Variants in KIAA0825 observed in about 807,000 individuals in gnomAD.
KIAA0825 encodes the protein uncharacterized protein KIAA0825.
KIAA0825 carries 119 observed loss-of-function variants against 147.6 expected under a neutral mutation model. That is an observed-to-expected ratio of 0.81 (90% CI 0.69 to 0.94). The LOEUF (loss-of-function observed/expected upper bound fraction) is 0.94, where lower values mean the gene tolerates loss of function less well. KIAA0825 is among the 40% of genes least tolerant of loss of function. The pLI, the probability that KIAA0825 is intolerant of heterozygous loss-of-function variation, is 0.00. For missense variants in KIAA0825, 1,381 were observed against 1,472.7 expected (o/e 0.94, Z 1.02); for synonymous variants, 470 against 518.1 (o/e 0.91, Z 1.26).
intron 1 of KIAA0825, among the ~76,000 whole-genome samples, chr5:94,614,571 C>A (rs548384259): frequency 2.6e-5 from 4 of 152,252 alleles, no homozygotes; most frequent in African/African-American, 4.8e-5. Flanking sequence ...GGTACTATTT[C>A]TGTTTTCTGA....
At chr5:94,305,222 T>C (rs991057102) in intron 20 of KIAA0825, among the ~76,000 whole-genome samples, 1 of 152,028 alleles carries the variant, frequency 6.6e-6, no homozygotes, top group African/African-American at 2.4e-5. Flanking sequence ...TTTATATTAA[T>C]AAAATAATGA....
intron 2 of KIAA0825, among the ~76,000 whole-genome samples, chr5:94,538,311 G>A (rs1375853424): frequency 6.6e-6 from 1 of 152,232 alleles, no homozygotes; most frequent in East Asian, 1.9e-4. Context: ...CTCTGAGGAG[G>A]TGACATTTGA....
chr5:94,300,399 T>C (rs1222749848), intron 20 of KIAA0825, among the ~76,000 whole-genome samples: 1 of 152,102 alleles, frequency 6.6e-6, no homozygotes, highest in Non-Finnish European at 1.5e-5. Context: ...ATTACTGCTA[T>C]CTGTTAATTT....
chr5:94,224,929 G>A (rs183588729), intron 20 of KIAA0825, among the ~76,000 whole-genome samples: 111 of 152,206 alleles, frequency 7.3e-4, no homozygotes, highest in African/African-American at 2.6e-3. Context: ...GAACATGTTT[G>A]CCTGCATCCT....
rs1463940125 is a variant in KIAA0825, at chr5:94,484,821, T to C, written c.1080A>G (p.Gln360=). The part of the protein sequence containing the change: ...KSFMKLEKGV[Q]ELFDEILLSL... Reference sequence around the variant, plus strand: ...ATAAAAGTATTTCGTCAAACAATTCTTGAACACCTTTTTCCAGTTTCATAA... The same window carrying C: ...ATAAAAGTATTTCGTCAAACAATTCCTGAACACCTTTTTCCAGTTTCATAA... Residue 360 remains glutamine, a synonymous_variant, in exon 6 of 21, where the codon CAA becomes CAG. Transcript: ENST00000682413. 1 of 1,530,540 alleles carries C rather than the reference T, an allele frequency of 6.5e-7. No homozygotes were observed. Among genetic ancestry groups the C allele is most frequent in the East Asian group, 2.5e-5 (1 of 40,568 alleles). The allele number at this position is 1,530,540 out of a possible 1,614,324, so 94.8% of individuals were successfully genotyped here. A position where few individuals can be genotyped will look rare whatever the true frequency, so the allele number is the denominator to read the frequency against.
At chr5:94,311,931 A>G (rs1779220152) in intron 20 of KIAA0825, among the ~76,000 whole-genome samples, 2 of 151,632 alleles carry the variant, frequency 1.3e-5, no homozygotes, top group Non-Finnish European at 1.5e-5. Flanking sequence ...AGCTAGCAAG[A>G]CCACACAAAA....
chr5:94,483,873 A>G (rs1302679520), intron 6 of KIAA0825, among the ~76,000 whole-genome samples: 1 of 151,712 alleles, frequency 6.6e-6, no homozygotes, highest in Non-Finnish European at 1.5e-5. Flanking sequence ...TTTGGGGATT[A>G]AATTTTTCAG....
At chr5:94,498,366 G>T (rs1764626173) in intron 5 of KIAA0825, among the ~76,000 whole-genome samples, 1 of 152,144 alleles carries the variant, frequency 6.6e-6, no homozygotes, top group Non-Finnish European at 1.5e-5. Flanking sequence ...GTTAGGATAT[G>T]AGCAAAAAAC....
At chr5:94,250,199 T>C (rs1775877469) in intron 20 of KIAA0825, among the ~76,000 whole-genome samples, 1 of 152,114 alleles carries the variant, frequency 6.6e-6, no homozygotes, top group Non-Finnish European at 1.5e-5. Flanking sequence ...TTAGAAATCA[T>C]ACTACATTTT....
chr5:94,400,401 T>G (rs1235293202), intron 16 of KIAA0825, among the ~76,000 whole-genome samples: 1 of 152,166 alleles, frequency 6.6e-6, no homozygotes, highest in Non-Finnish European at 1.5e-5. Flanking sequence ...TTTTATACAC[T>G]ATACTAATGA....
chr5:94,346,556 T>C (rs900097632), intron 20 of KIAA0825, among the ~76,000 whole-genome samples: 1 of 151,992 alleles, frequency 6.6e-6, no homozygotes, highest in African/African-American at 2.4e-5. Flanking sequence ...ACACCGCCAC[T>C]GGAGAAACTG....
At chr5:94,569,413 C>G (rs1322999601) in intron 2 of KIAA0825, 1 of 399,678 alleles carries the variant, frequency 2.5e-6, no homozygotes, top group East Asian at 3.7e-5. Flanking sequence ...TAGAAGAAAA[C>G]CCCACAAACC....
intron 14 of KIAA0825, 52 bp from the exon 15 acceptor site, chr5:94,417,417 T>A (rs1221814849): frequency 3.5e-6 from 5 of 1,441,394 alleles, no homozygotes; most frequent in Middle Eastern, 4.0e-4. Flanking sequence ...AAGATATCAG[T>A]GAATATGATT....
intron 20 of KIAA0825, among the ~76,000 whole-genome samples, chr5:94,223,183 G>A (rs780241664): frequency 2.6e-4 from 39 of 152,080 alleles, no homozygotes; most frequent in Admixed American, 9.8e-4. Flanking sequence ...TTTAACTTTC[G>A]AAAGTTAATT....
At chr5:94,437,904 T>C (rs1756577599) in intron 14 of KIAA0825, among the ~76,000 whole-genome samples, 1 of 152,194 alleles carries the variant, frequency 6.6e-6, no homozygotes, top group Admixed American at 6.6e-5. Context: ...TATATTCTAA[T>C]TGATCACTGA....
chr5:94,154,646 A>C (rs1041290237), intron 20 of KIAA0825, among the ~76,000 whole-genome samples: 1 of 152,188 alleles, frequency 6.6e-6, no homozygotes, highest in Non-Finnish European at 1.5e-5. Flanking sequence ...CAACCACTCT[A>C]GAAAAGTGGC....
At chr5:94,475,904 A>G (rs559162242) in intron 7 of KIAA0825, among the ~76,000 whole-genome samples, 45 of 152,294 alleles carry the variant, frequency 3.0e-4, no homozygotes, top group African/African-American at 1.0e-3. Context: ...TAGTTTGCTT[A>G]CTTCTACTCT....
rs530803509 is a variant in KIAA0825 at position 94,373,740 on chromosome 5, C to A, written c.3710+10628G>T. On this transcript the variant is annotated intron_variant, in intron 20 of 20. Coordinates refer to ENST00000682413, the MANE Select transcript of KIAA0825 (RefSeq NM_001145678.3). ...GGGTGGGGACACAGCCAAATCATGT[C>A]GATTATAAATGTTACTACATAAAAT... Among the ~76,000 whole-genome samples the A allele has an allele frequency of 3.3e-5, 5 of 151,962 alleles. No individual in the cohort carries two copies. The East Asian group carries it at 9.7e-4, about 29-fold the overall frequency.
At chr5:94,451,785 G>A (rs1307517374) in intron 13 of KIAA0825, among the ~76,000 whole-genome samples, 1 of 152,074 alleles carries the variant, frequency 6.6e-6, no homozygotes, top group East Asian at 1.9e-4. Context: ...GATAAAAGCG[G>A]GCAGTAAAAT....
Sources: gnomAD v4.1 joint callset for allele counts (sites outside exome capture counted in the v4.1 genomes callset) on GRCh38, gnomAD v4.1.1 for gene constraint, MANE v1.5 for transcripts, NCBI Gene and HGNC (gene_info 2026-07-23, HGNC 2026-07-21) for gene names.